MAST2: variants seen among roughly 807,000 people sequenced by gnomAD.
The protein encoded by MAST2 is microtubule associated serine/threonine kinase 2, also known as microtubule-associated serine/threonine-protein kinase 2.
MAST2 carries 70 observed loss-of-function variants against 147.4 expected under a neutral mutation model. The ratio of observed to expected loss-of-function variants is 0.47; its 90% CI spans 0.39 to 0.58. The LOEUF (loss-of-function observed/expected upper bound fraction) is 0.58. MAST2 is among the 20% of genes least tolerant of loss of function. The pLI is 0.00. For missense variants in MAST2, 2,080 were observed against 2,302.3 expected, an observed-to-expected ratio of 0.90 and a Z score of 1.98; for synonymous variants, 869 against 896.8, an observed-to-expected ratio of 0.97 and a Z score of 0.55.
chr1:45,932,846 A>G (rs1313386050), intron 4 of MAST2, among the ~76,000 whole-genome samples: 1 of 152,060 alleles, frequency 6.6e-6, no homozygotes, highest in Non-Finnish European at 1.5e-5. Flanking sequence ...TCATTCTTTG[A>G]GAACTACGTA....
chr1:45,826,407 C>T (rs1644794162), intron 2 of MAST2, among the ~76,000 whole-genome samples: 1 of 152,114 alleles, frequency 6.6e-6, no homozygotes, highest in Non-Finnish European at 1.5e-5. Flanking sequence ...GGCTGGAGTG[C>T]AGTGGTGTGA....
intron 4 of MAST2, among the ~76,000 whole-genome samples, chr1:45,884,594 G>A (rs1647000489): frequency 6.6e-6 from 1 of 152,024 alleles, no homozygotes; most frequent in East Asian, 1.9e-4. Context: ...CTCTGTGCTG[G>A]GTAGAGTGAT....
chr1:45,931,823 G>A (rs1166928367), intron 4 of MAST2, among the ~76,000 whole-genome samples: 1 of 151,996 alleles, frequency 6.6e-6, no homozygotes, highest in Admixed American at 6.6e-5. Context: ...AGAGTAGCTG[G>A]AAATACAGGC....
intron 4 of MAST2, among the ~76,000 whole-genome samples, chr1:45,947,297 G>A: frequency 8.7e-6 from 1 of 114,434 alleles, no homozygotes; most frequent in Admixed American, 1.1e-4. Context: ...AATGATAGCT[G>A]ATGAGCTTTA....
At chr1:46,017,464 CAA>C (rs562450687) in intron 10 of MAST2, among the ~76,000 whole-genome samples, 104 of 151,960 alleles carry the variant, frequency 6.8e-4, no homozygotes, top group African/African-American at 2.5e-3. Context: ...ACAATGAACT[CAA>C]ATTTACAAGA....
At chr1:45,899,042 C>G (rs1419224638) in intron 4 of MAST2, among the ~76,000 whole-genome samples, 1 of 152,142 alleles carries the variant, frequency 6.6e-6, no homozygotes, top group Non-Finnish European at 1.5e-5. Context: ...AACACAGGGG[C>G]TTCTACCATT....
At chr1:45,882,172 A>T (rs546608477) in intron 3 of MAST2, among the ~76,000 whole-genome samples, 192 bp from the exon 4 acceptor site, 1 of 150,424 alleles carries the variant, frequency 6.6e-6, no homozygotes, top group South Asian at 2.1e-4. Flanking sequence ...AGCCTGGGAG[A>T]CAAAATGAGA....
intron 6 of MAST2, 39 bp from the exon 7 acceptor site, chr1:46,002,766 G>A: frequency 1.3e-6 from 2 of 1,592,894 alleles, no homozygotes; most frequent in South Asian, 2.2e-5. Flanking sequence ...TCAGGGTGTA[G>A]TCCTGCAGAA....
intron 3 of MAST2, among the ~76,000 whole-genome samples, chr1:45,837,939 C>T (rs1645152646): frequency 6.6e-6 from 1 of 152,048 alleles, no homozygotes; most frequent in South Asian, 2.1e-4. Context: ...CCACCACGCC[C>T]AGCTGATTTT....
intron 3 of MAST2, among the ~76,000 whole-genome samples, chr1:45,835,276 AGACTACTTT>A (rs1213498432): frequency 6.6e-6 from 1 of 152,142 alleles, no homozygotes; most frequent in African/African-American, 2.4e-5. Context: ...CAGGAAAGTA[AGACTACTTT>A]GACTACAGAT....
At position 45,803,743 on chromosome 1, in the gene MAST2, G is replaced by A; in HGVS notation, c.-153G>A. Reference sequence around the variant, plus strand: ...GTCGCGGCGCCGGAGGCCCCAGAAGGCTCGAAGGCGCCGCGGGCTGGGGTC... The same window carrying A: ...GTCGCGGCGCCGGAGGCCCCAGAAGACTCGAAGGCGCCGCGGGCTGGGGTC... On this transcript the variant is annotated 5_prime_UTR_variant, in exon 1 of 29. Transcript: ENST00000361297. The A allele has an allele frequency of 2.8e-6, 1 of 351,058 alleles. No individual in the cohort carries two copies. The highest frequency in any genetic ancestry group is 4.3e-5 in the East Asian group (1 of 23,130). 21.7% of individuals were successfully genotyped at this position (351,058 alleles called of 1,614,324 possible).
intron 4 of MAST2, among the ~76,000 whole-genome samples, chr1:45,921,692 A>C (rs1258876881): frequency 6.6e-6 from 1 of 152,098 alleles, no homozygotes; most frequent in African/African-American, 2.4e-5. Context: ...AGAAACTTGG[A>C]GACTTTAGGA....
intron 4 of MAST2, among the ~76,000 whole-genome samples, chr1:45,957,734 T>G (rs535855882): frequency 6.6e-6 from 1 of 152,268 alleles, no homozygotes; most frequent in African/African-American, 2.4e-5. Context: ...AGCAAACACA[T>G]TACTCTGGTA....
intron 4 of MAST2, among the ~76,000 whole-genome samples, chr1:45,897,665 TG>T (rs1648969032): frequency 6.6e-6 from 1 of 151,170 alleles, no homozygotes; most frequent in Non-Finnish European, 1.5e-5. Flanking sequence ...AAAAATTAGC[TG>T]GGTGTGGTGG....
At chr1:45,999,025 C>T (rs1645169857) in intron 6 of MAST2, among the ~76,000 whole-genome samples, 1 of 152,132 alleles carries the variant, frequency 6.6e-6, no homozygotes, top group Non-Finnish European at 1.5e-5. Flanking sequence ...AGCCACCGTG[C>T]CCGGCCTACT....
chr1:45,906,557 G>A (rs1406226129), intron 4 of MAST2, among the ~76,000 whole-genome samples: 1 of 146,996 alleles, frequency 6.8e-6, no homozygotes, highest in African/African-American at 2.6e-5. Context: ...TGTAGCCTAA[G>A]TGTACAATGT....
intron 4 of MAST2, among the ~76,000 whole-genome samples, chr1:45,927,266 A>G (rs1033556664): frequency 4.6e-5 from 7 of 152,084 alleles, no homozygotes; most frequent in South Asian, 2.1e-4. Flanking sequence ...TTCGGGCACT[A>G]TTGTCATTGA....
At position 45,904,898 on chromosome 1, in the gene MAST2, C is replaced by G. The variant is rs559787166; in HGVS notation, c.500+22503C>G. On this transcript the variant is annotated intron_variant, in intron 4 of 28. Transcript: ENST00000361297. ...TCATGGCTCACTGCAACCTCAGCCTCCCGGGTTCAAGTGAGTCCCCCACCT... is the reference window on the plus strand; with the variant it reads ...TCATGGCTCACTGCAACCTCAGCCTGCCGGGTTCAAGTGAGTCCCCCACCT... Among the ~76,000 whole-genome samples the G allele has an allele frequency of 7.7e-4, 118 of 152,264 alleles. 2 individuals are homozygous for G. The highest frequency in any genetic ancestry group is 6.8e-3 in the Middle Eastern group (2 of 294).
At chr1:45,957,476 TTTGTTTTCTAA>T (rs1659813820) in intron 4 of MAST2, among the ~76,000 whole-genome samples, 1 of 152,182 alleles carries the variant, frequency 6.6e-6, no homozygotes, top group Non-Finnish European at 1.5e-5. Flanking sequence ...AAATATGTTA[TTTGTTTTCTAA>T]TTGGCCCAAC....
Sources: gnomAD v4.1 joint callset for allele counts (sites outside exome capture counted in the v4.1 genomes callset) on GRCh38, gnomAD v4.1.1 for gene constraint, MANE v1.5 for transcripts, NCBI Gene and HGNC (gene_info 2026-07-23, HGNC 2026-07-21) for gene names.